The following CDC14A variants were observed in gnomAD, a reference collection of about 807,000 sequenced individuals.
CDC14A encodes the protein dual specificity protein phosphatase CDC14A.
In CDC14A, 53 loss-of-function variants were observed where a neutral mutation model predicts 74.4. That is an observed-to-expected ratio of 0.71 (90% CI 0.57 to 0.89). CDC14A has a LOEUF of 0.89. Among genes scored for constraint, CDC14A ranks in the 40% least tolerant of loss-of-function variants. The probability of loss-of-function intolerance (pLI) is 0.00; values close to 1 mark genes in which losing one functional copy is unlikely to be tolerated. For missense variants in CDC14A, 646 were observed against 713.7 expected, an observed-to-expected ratio of 0.91 and a Z score of 1.08; for synonymous variants, 247 against 258.4, an observed-to-expected ratio of 0.96 and a Z score of 0.43.
chr1:100,416,322 A>G (rs1661523854), intron 4 of CDC14A, among the ~76,000 whole-genome samples: 1 of 152,222 alleles, frequency 6.6e-6, no homozygotes, highest in South Asian at 2.1e-4. Flanking sequence ...ATACAGTGCT[A>G]GTAACAGTAA....
chr1:100,460,267 CAA>C (rs1385361989), intron 8 of CDC14A, among the ~76,000 whole-genome samples: 1 of 152,190 alleles, frequency 6.6e-6, no homozygotes, highest in African/African-American at 2.4e-5. Flanking sequence ...GTTTTCTTCT[CAA>C]AAGATGTATA....
chr1:100,412,733 A>ATATATTTTATATATG lies in CDC14A; in HGVS notation c.310-11475_310-11474insGTATATTTTATATAT, dbSNP rs1660981697. 1.8e-5 allele frequency among the ~76,000 whole-genome samples: 2 copies of ATATATTTTATATATG among 110,158 alleles called. 1 individual carries two copies. The highest frequency in any genetic ancestry group is 9.6e-5 in the African/African-American group (2 of 20,770). The allele number at this position is 110,158 out of a possible 152,430, so 72.3% of individuals were successfully genotyped here. A position where few individuals can be genotyped will look rare whatever the true frequency, so the allele number is the denominator to read the frequency against. ...ATATATATATATATATTTTATATAT[A>ATATATTTTATATATG]TATATTTTATATATATATATTTTAT... On this transcript the variant is annotated intron_variant, in intron 4 of 15. Transcript: ENST00000336454.
chr1:100,498,878 A>T (rs1292629699), intron 14 of CDC14A, 51 bp from the exon 15 acceptor site: 1 of 1,560,328 alleles, frequency 6.4e-7, no homozygotes, highest in South Asian at 1.2e-5. Flanking sequence ...GCTCTGTGTG[A>T]TTGTACATTG....
intron 4 of CDC14A, among the ~76,000 whole-genome samples, chr1:100,403,260 C>G (rs985102200): frequency 6.6e-6 from 1 of 152,208 alleles, no homozygotes; most frequent in African/African-American, 2.4e-5. Flanking sequence ...ACAATTCTTA[C>G]AAGGTGTAAA....
intron 4 of CDC14A, among the ~76,000 whole-genome samples, chr1:100,411,300 C>A (rs1007963079): frequency 6.6e-6 from 1 of 152,198 alleles, no homozygotes; most frequent in African/African-American, 2.4e-5. Flanking sequence ...TCCTCTATCA[C>A]TCTTTCTTGT....
intron 4 of CDC14A, among the ~76,000 whole-genome samples, chr1:100,396,116 C>T (rs1488186600): frequency 3.3e-5 from 5 of 152,170 alleles, no homozygotes; most frequent in Non-Finnish European, 5.9e-5. Flanking sequence ...TTTTGTTCGT[C>T]GCTGTGTGTG....
Position 100,362,936 on chromosome 1 carries a change from C to G in CDC14A, c.140+9084C>G, listed in dbSNP as rs543053294. Among the ~76,000 whole-genome samples, 56 of 152,294 alleles carry G rather than the reference C, an allele frequency of 3.7e-4. No homozygotes were observed. The South Asian group carries it at 3.7e-3, about 10-fold the overall frequency. ...AGGACAGAGGAGAGAGTAGCTCTCC[C>G]TCTCTTGTGAGACAGAGGAGTCCAA... On this transcript the variant is annotated intron_variant, in intron 2 of 15. Transcript: ENST00000336454.
chr1:100,406,070 T>G (rs2101024964), intron 4 of CDC14A, among the ~76,000 whole-genome samples: 1 of 152,346 alleles, frequency 6.6e-6, no homozygotes. Flanking sequence ...TAATAGCCGT[T>G]CTCACTGGCA....
At position 100,499,159 on chromosome 1, in the gene CDC14A, C is replaced by T. The variant is rs369307315; in HGVS notation, c.1652C>T (p.Pro551Leu). The change falls in exon 15 of 16, where the codon CCA becomes CTA. Residue 551 changes from proline (P) to leucine (L), a missense_variant. By Grantham distance (98) the Pro-to-Leu change is moderately conservative. Coordinates refer to ENST00000336454, the MANE Select transcript of CDC14A (RefSeq NM_003672.4). ...AACGGGGGCAACCTGAACAGCCCCC[C>T]AGGCCCCCACAGCGCCAAGACAGAG... is the stretch of plus-strand genomic sequence containing the variant. ...NSNGGNLNSP[P>L]GPHSAKTEEH... 2.5e-6 allele frequency: 4 copies of T among 1,614,056 alleles called. No individual in the cohort carries two copies. The highest frequency in any genetic ancestry group is 2.5e-6 in the Non-Finnish European group (3 of 1,180,030).
chr1:100,427,882 G>T (rs1210701776), intron 5 of CDC14A, among the ~76,000 whole-genome samples: 2 of 152,100 alleles, frequency 1.3e-5, no homozygotes, highest in African/African-American at 2.4e-5. Context: ...GAGGAAGGAG[G>T]TTTAACTCTG....
intron 4 of CDC14A, among the ~76,000 whole-genome samples, chr1:100,403,558 A>G (rs1271984875): frequency 6.6e-6 from 1 of 152,238 alleles, no homozygotes. Context: ...TGCTCTCTCT[A>G]AACATCAAGA....
At chr1:100,503,929 AC>A (rs1307626226) in intron 15 of CDC14A, among the ~76,000 whole-genome samples, 1 of 152,058 alleles carries the variant, frequency 6.6e-6, no homozygotes, top group Non-Finnish European at 1.5e-5. Flanking sequence ...ACCTTACCTG[AC>A]CCCCAACTCT....
intron 11 of CDC14A, among the ~76,000 whole-genome samples, chr1:100,490,091 T>C (rs765428179): frequency 7.2e-5 from 11 of 152,232 alleles, no homozygotes; most frequent in South Asian, 4.1e-4. Context: ...ACTCATGAGA[T>C]TGATTTGTGC....
At chr1:100,515,370 G>A (rs72970127) in intron 15 of CDC14A, among the ~76,000 whole-genome samples, 4,669 of 151,512 alleles carry the variant, frequency 0.031, 256 homozygotes, top group African/African-American at 0.11. Flanking sequence ...TCTCCCCTTA[G>A]TGCATTTCTT....
intron 4 of CDC14A, among the ~76,000 whole-genome samples, chr1:100,407,731 A>G (rs1660141503): frequency 6.6e-6 from 1 of 152,166 alleles, no homozygotes; most frequent in Non-Finnish European, 1.5e-5. Flanking sequence ...AGAACTTCCA[A>G]TACTATGTTG....
At chr1:100,380,456 C>T (rs781618943) in intron 3 of CDC14A, among the ~76,000 whole-genome samples, 1 of 152,240 alleles carries the variant, frequency 6.6e-6, no homozygotes, top group African/African-American at 2.4e-5. Context: ...CTTTGAGGCT[C>T]CTCTGCCTCT....
chr1:100,401,089 G>A (rs892343712), intron 4 of CDC14A, among the ~76,000 whole-genome samples: 2 of 152,168 alleles, frequency 1.3e-5, no homozygotes, highest in Non-Finnish European at 2.9e-5. Flanking sequence ...TATACTTTCT[G>A]TGTGAAGAAG....
rs1373638205 is a variant in CDC14A at position 100,352,774 on chromosome 1, C to T, written c.-181C>T. Reference sequence around the variant, plus strand: ...GCTCGGGTTCCCCTCGGAATGTCCCCGGGGCGCCCGGCGCGCTGACCCCGA... The same window carrying T: ...GCTCGGGTTCCCCTCGGAATGTCCCTGGGGCGCCCGGCGCGCTGACCCCGA... On this transcript the variant is annotated 5_prime_UTR_variant, in exon 1 of 16. Transcript: ENST00000336454. 5.6e-6 allele frequency: 8 copies of T among 1,420,700 alleles called. No homozygotes were observed. Among genetic ancestry groups the T allele is most frequent in the East Asian group, 2.7e-5 (1 of 37,562 alleles). The allele number at this position is 1,420,700 out of a possible 1,614,324, so 88.0% of individuals were successfully genotyped here.
chr1:100,417,229 A>G (rs1661653126), intron 4 of CDC14A, among the ~76,000 whole-genome samples: 1 of 152,176 alleles, frequency 6.6e-6, no homozygotes, highest in Admixed American at 6.6e-5. Context: ...TGGCATCTAA[A>G]CACTGCGATG....
Sources: allele counts gnomAD v4.1 joint callset (sites outside exome capture counted in the v4.1 genomes callset), GRCh38; gene constraint gnomAD v4.1.1; transcripts MANE v1.5; gene names NCBI Gene and HGNC (gene_info 2026-07-23, HGNC 2026-07-21).